Variants in SAMD5 observed in about 807,000 individuals in gnomAD.
The protein encoded by SAMD5 is sterile alpha motif domain containing 5.
Under a neutral mutation model 11.3 loss-of-function variants are expected in SAMD5, and 13 were observed. The ratio of observed to expected loss-of-function variants is 1.15; its 90% confidence interval spans 0.75 to 1.83. SAMD5 has a LOEUF of 1.83. Among genes scored for constraint, SAMD5 ranks in the 40% most tolerant of loss-of-function variants. The pLI, the probability that SAMD5 is intolerant of heterozygous loss-of-function variation, is 0.00. For synonymous variants in SAMD5, 129 were observed against 111.3 expected (o/e 1.16, Z -1.00); for missense variants, 255 against 239.1 (o/e 1.07, Z -0.44).
chr6:147,794,818 C>T, the SAMD5 span, among the ~76,000 whole-genome samples: 1 of 152,052 alleles, frequency 6.6e-6, no homozygotes, highest in Non-Finnish European at 1.5e-5. Flanking sequence ...TTTAACAGGT[C>T]ATTATAGGAC....
Position 147,566,189 on chromosome 6 carries a change from A to C in SAMD5, c.*1733A>C. 2.0e-6 allele frequency: 2 copies of C among 978,066 alleles called. No homozygotes were observed. The highest frequency in any genetic ancestry group is 2.4e-6 in the Non-Finnish European group (2 of 823,252). 60.6% of individuals were successfully genotyped at this position (978,066 alleles called of 1,614,324 possible). A position where few individuals can be genotyped will look rare whatever the true frequency, so the allele number is the denominator to read the frequency against. ...AAATCAGTCTCATTATCATATACAA[A>C]TGTAAGGAAGTTAAATTTTAAAAGC... is the stretch of plus-strand genomic sequence containing the variant. On this transcript the variant is annotated 3_prime_UTR_variant, in exon 2 of 2. Transcript: ENST00000367474.
At chr6:147,838,414 A>G in the SAMD5 span, among the ~76,000 whole-genome samples, 2 of 152,106 alleles carry the variant, frequency 1.3e-5, no homozygotes, top group African/African-American at 2.4e-5. Flanking sequence ...AACCTTTGTC[A>G]CCTGTAAAAT....
the SAMD5 span, among the ~76,000 whole-genome samples, chr6:147,901,705 T>C: frequency 2.0e-5 from 3 of 152,210 alleles, no homozygotes; most frequent in Non-Finnish European, 2.9e-5. Context: ...GAAGCTTCGA[T>C]AGGTATAATC....
chr6:147,807,953 G>T, the SAMD5 span, among the ~76,000 whole-genome samples: 2 of 152,222 alleles, frequency 1.3e-5, no homozygotes, highest in South Asian at 4.2e-4. Flanking sequence ...TATTTTAGTG[G>T]TGTATATACA....
At chr6:147,824,925 T>G in the SAMD5 span, among the ~76,000 whole-genome samples, 1 of 152,162 alleles carries the variant, frequency 6.6e-6, no homozygotes. Flanking sequence ...TGCACTGTAG[T>G]TTATTAATTT....
the SAMD5 span, among the ~76,000 whole-genome samples, chr6:147,904,359 A>G: frequency 0.012 from 1,873 of 152,258 alleles, 39 homozygotes; most frequent in African/African-American, 0.042. Flanking sequence ...CTCTAGTCCT[A>G]TGGCTAGACT....
intron 1 of SAMD5, among the ~76,000 whole-genome samples, chr6:147,583,849 G>A (rs1789336776): frequency 8.7e-6 from 1 of 114,884 alleles, no homozygotes; most frequent in Admixed American, 8.9e-5. Flanking sequence ...ACACAAAATG[G>A]CTATTTACCT....
chr6:147,519,542 C>T (rs1050650779), intron 1 of SAMD5, among the ~76,000 whole-genome samples: 3 of 152,268 alleles, frequency 2.0e-5, no homozygotes, highest in Non-Finnish European at 2.9e-5. Context: ...TTCAAGTGGT[C>T]ACATAAGAAT....
At chr6:147,759,444 C>T in the SAMD5 span, among the ~76,000 whole-genome samples, 1 of 152,116 alleles carries the variant, frequency 6.6e-6, no homozygotes, top group African/African-American at 2.4e-5. Context: ...GGACACACTC[C>T]TTTTGGCCAA....
At chr6:147,818,432 A>G in the SAMD5 span, among the ~76,000 whole-genome samples, 2 of 152,272 alleles carry the variant, frequency 1.3e-5, no homozygotes, top group Non-Finnish European at 2.9e-5. Flanking sequence ...TACTTTAAAT[A>G]TAAATATATG....
chr6:147,766,778 G>A, the SAMD5 span, among the ~76,000 whole-genome samples: 4,970 of 152,072 alleles, frequency 0.033, 109 homozygotes, highest in African/African-American at 0.052. Context: ...CTTGTGTAGA[G>A]CAATAAGTAT....
the SAMD5 span, among the ~76,000 whole-genome samples, chr6:147,760,414 G>A: frequency 6.6e-6 from 1 of 152,054 alleles, no homozygotes; most frequent in Admixed American, 6.5e-5. Flanking sequence ...TGGTAAGGTA[G>A]TAACTTTTAA....
At chr6:147,879,292 G>A in the SAMD5 span, among the ~76,000 whole-genome samples, 1 of 152,176 alleles carries the variant, frequency 6.6e-6, no homozygotes, top group Admixed American at 6.5e-5. Context: ...CTCAGCCAGG[G>A]TAATTATTTA....
chr6:147,902,016 G>A, the SAMD5 span, among the ~76,000 whole-genome samples: 1 of 152,008 alleles, frequency 6.6e-6, no homozygotes. Flanking sequence ...CTTAGGTATT[G>A]TTTCTAGTTC....
chr6:147,560,384 G>C (rs1290286402), intron 1 of SAMD5, among the ~76,000 whole-genome samples: 1 of 152,166 alleles, frequency 6.6e-6, no homozygotes, highest in East Asian at 1.9e-4. Context: ...CCAGAAGGAT[G>C]GAAAGCAACA....
chr6:147,846,357 C>G, the SAMD5 span, among the ~76,000 whole-genome samples: 1 of 152,112 alleles, frequency 6.6e-6, no homozygotes, highest in Non-Finnish European at 1.5e-5. Context: ...TGCACAGACA[C>G]AATCACATGA....
intron 1 of SAMD5, among the ~76,000 whole-genome samples, chr6:147,710,856 C>G (rs971112389): frequency 1.3e-5 from 2 of 151,978 alleles, no homozygotes; most frequent in Non-Finnish European, 1.5e-5. Flanking sequence ...TGTTACTTGT[C>G]TCCTGCACCG....
At chr6:147,866,112 T>A in the SAMD5 span, among the ~76,000 whole-genome samples, 1 of 67,084 alleles carries the variant, frequency 1.5e-5, no homozygotes, top group East Asian at 3.3e-4. Flanking sequence ...TGAGCTGAAA[T>A]TTTTTTTTTT....
chr6:147,650,223 A>G (rs1790464729), intron 1 of SAMD5, among the ~76,000 whole-genome samples: 1 of 152,236 alleles, frequency 6.6e-6, no homozygotes, highest in African/African-American at 2.4e-5. Flanking sequence ...ACAGTTCAGC[A>G]GAAGATAAAG....
Sources: gnomAD v4.1 joint callset for allele counts (sites outside exome capture counted in the v4.1 genomes callset) on GRCh38, gnomAD v4.1.1 for gene constraint, MANE v1.5 for transcripts, NCBI Gene and HGNC (gene_info 2026-07-23, HGNC 2026-07-21) for gene names.